Variants in DNAH17 observed in about 807,000 individuals in gnomAD.
The protein encoded by DNAH17 is axonemal beta dynein heavy chain 17.
In DNAH17, 376 loss-of-function variants were observed where a neutral mutation model predicts 485.6. The observed-to-expected ratio is 0.77, with a 90% CI of 0.71 to 0.84. DNAH17 has a LOEUF of 0.84. Among genes scored for constraint, DNAH17 ranks in the 40% least tolerant of loss-of-function variants. DNAH17 has a pLI of 0.00. For missense variants in DNAH17, 6,370 were observed against 5,839.3 expected (o/e 1.09, Z -2.96); for synonymous variants, 3,031 against 2,405.9 (o/e 1.26, Z -7.60).
At position 78,524,557 on chromosome 17, in the gene DNAH17, C is replaced by G. The variant is rs568292558; in HGVS notation, c.3864+452G>C. 4.6e-5 allele frequency among the ~76,000 whole-genome samples: 7 copies of G among 152,222 alleles called. No homozygotes were observed. In the South Asian group the frequency reaches 8.3e-4, roughly 18 times the overall value. On this transcript the variant is annotated intron_variant, in intron 25 of 80. Transcript: ENST00000389840. ...CTATGAGCCACAAAGTGCGTCCTCA[C>G]CAGACATTACATCTGCCTTGACTGT...
In DNAH17 at chr17:78,510,361, ACAGCACCGC is replaced by A. The variant is rs1276763658; in HGVS notation, c.4236+14_4236+22del. The A allele has an allele frequency of 8.7e-6, 14 of 1,610,148 alleles. No individual in the cohort carries two copies. The highest frequency in any genetic ancestry group is 1.1e-5 in the Non-Finnish European group (13 of 1,178,292). On this transcript the variant is annotated intron_variant, in intron 27 of 80. Transcript: ENST00000389840. Reference sequence around the variant, plus strand: ...TTCAGGCTGATCCCACGTTGCACAGACAGCACCGCCAGCACGGCCTACCTTTTCCATGCC... The same window carrying A: ...TTCAGGCTGATCCCACGTTGCACAGACAGCACGGCCTACCTTTTCCATGCC...
At chr17:78,445,215 C>CTGGGGGGAGGAGGGGAGGA (rs2087231886) in intron 70 of DNAH17, among the ~76,000 whole-genome samples, 1 of 4,780 alleles carries the variant, frequency 2.1e-4, no homozygotes, top group African/African-American at 7.5e-4. Context: ...GGAGGGGAGG[C>CTGGGGGGAGGAGGGGAGGA]TGGGGGGAGG....
Position 78,526,999 on chromosome 17 carries a change from G to A in DNAH17, c.3508-3C>T. Reference sequence around the variant, plus strand: ...TTTGCCCAGTGCTCCGGCAGCTCCTGCGGGAAGCAAAGGCAGAGGAGGGCT... The same window carrying A: ...TTTGCCCAGTGCTCCGGCAGCTCCTACGGGAAGCAAAGGCAGAGGAGGGCT... On this transcript the variant is annotated splice_region_variant and splice_polypyrimidine_tract_variant and intron_variant, in intron 22 of 80. Coordinates refer to ENST00000389840, the MANE Select transcript of DNAH17 (RefSeq NM_173628.4). 2.6e-6 allele frequency: 4 copies of A among 1,567,186 alleles called. No homozygotes were observed. The South Asian group carries it at 3.5e-5, about 14-fold the overall frequency.
At chr17:78,480,013 CTTTTTTTTTT>C (rs370344478) in intron 49 of DNAH17, among the ~76,000 whole-genome samples, 16 of 70,540 alleles carry the variant, frequency 2.3e-4, no homozygotes, top group East Asian at 1.4e-3. Context: ...ACAACAAGTA[CTTTTTTTTTT>C]TTTTTTTTTT....
intron 31 of DNAH17, among the ~76,000 whole-genome samples, chr17:78,505,012 T>C (rs1489993877): frequency 1.4e-5 from 2 of 146,980 alleles, no homozygotes; most frequent in African/African-American, 5.0e-5. Flanking sequence ...TTCAAGCGAT[T>C]CTCCTGCCTC....
At chr17:78,572,942 T>A (rs773352344) in intron 2 of DNAH17, 48 bp from the exon 3 acceptor site, 4 of 1,557,930 alleles carry the variant, frequency 2.6e-6, no homozygotes, top group South Asian at 2.3e-5. Flanking sequence ...CTTCACCAGC[T>A]CGGCAACCGC....
At chr17:78,492,318 C>T (rs1438389201) in intron 42 of DNAH17, among the ~76,000 whole-genome samples, 1 of 110,232 alleles carries the variant, frequency 9.1e-6, no homozygotes, top group African/African-American at 3.4e-5. Context: ...GCCTGCATGT[C>T]TGGGCTCCCA....
At chr17:78,428,479 G>T in intron 77 of DNAH17, 46 bp downstream of exon 77, 1 of 1,553,388 alleles carries the variant, frequency 6.4e-7, no homozygotes, top group Non-Finnish European at 8.7e-7. Flanking sequence ...CTCAGTTCTA[G>T]ATCCTCCCCC....
chr17:78,522,120 C>T lies in DNAH17; in HGVS notation c.3864+2889G>A, dbSNP rs183296382. ...GCTAGATTCTAGAACATATAAAGAA[C>T]GCTCAAAATTTAACAGTAAAAAACT... On this transcript the variant is annotated intron_variant, in intron 25 of 80. Coordinates refer to ENST00000389840, the MANE Select transcript of DNAH17 (RefSeq NM_173628.4). 1.3e-4 allele frequency: 21 copies of T among 156,490 alleles called. No homozygotes were observed. The East Asian group carries it at 1.7e-3, about 13-fold the overall frequency. The allele number at this position is 156,490 out of a possible 1,614,324, so 9.7% of individuals were successfully genotyped here.
chr17:78,461,746 C>G (rs779159266), intron 57 of DNAH17, 38 bp from the exon 58 acceptor site: 3 of 1,583,804 alleles, frequency 1.9e-6, no homozygotes, highest in Admixed American at 3.5e-5. Flanking sequence ...AAGTGTGGGC[C>G]GCAGCCGACA....
rs575701670 is a variant in DNAH17, at chr17:78,525,175, G to A, written c.3712-14C>T. 11 of 1,609,796 alleles carry A rather than the reference G, an allele frequency of 6.8e-6. No individual in the cohort carries two copies. The South Asian group carries it at 1.2e-4, about 18-fold the overall frequency. On this transcript the variant is annotated splice_polypyrimidine_tract_variant and intron_variant, in intron 24 of 80. Transcript: ENST00000389840. ...GCTCTTTTGTTGCTAGGGGCGGCGA[G>A]GGGGCCGTCAGTAGGGCTACCTACC...
chr17:78,561,890 C>T lies in DNAH17; in HGVS notation c.1660G>A (p.Ala554Thr), dbSNP rs758974465. 1.4e-5 allele frequency: 23 copies of T among 1,613,734 alleles called. No homozygotes were observed. Among genetic ancestry groups the T allele is most frequent in the Middle Eastern group, 1.6e-4 (1 of 6,082 alleles). The change falls in exon 12 of 81, where the codon GCT becomes ACT. Residue 554 changes from alanine to threonine, a missense_variant. Physicochemically the swap from Ala to Thr is moderately conservative, Grantham distance 58. Transcript: ENST00000389840. The stretch of plus-strand genomic sequence containing the variant: ...AAGATCTTAGCATTGTCTAGCTCAG[C>T]GTCAAACAGCTCCAGCATGACTGAA... ...RYSVMLELFD[A>T]ELDNAKILYD...
intron 19 of DNAH17, among the ~76,000 whole-genome samples, chr17:78,534,284 T>C (rs1351811032): frequency 2.0e-5 from 3 of 152,188 alleles, no homozygotes; most frequent in African/African-American, 7.2e-5. Context: ...GGAGATCTTG[T>C]CTGTGCAGGG....
intron 54 of DNAH17, among the ~76,000 whole-genome samples, chr17:78,470,516 C>T (rs2088699515): frequency 6.6e-6 from 1 of 151,880 alleles, no homozygotes; most frequent in African/African-American, 2.4e-5. Flanking sequence ...TGGTGAAACC[C>T]CATCTCTACA....
At position 78,492,037 on chromosome 17, in the gene DNAH17, G is replaced by GAAGGGGGACAGGGA. The variant is rs1568145373; in HGVS notation, c.6542-481_6542-468dup. 3.3e-5 allele frequency among the ~76,000 whole-genome samples: 5 copies of GAAGGGGGACAGGGA among 152,242 alleles called. No individual in the cohort carries two copies. The South Asian group carries it at 6.2e-4, about 19-fold the overall frequency. Reference sequence around the variant, plus strand: ...GTGAGCTGTACATGCAGAAGCCAGCGAAGGGGGACAGGGAAAGCGGGTCAG... The same window carrying GAAGGGGGACAGGGA: ...GTGAGCTGTACATGCAGAAGCCAGCGAAGGGGGACAGGGAAAGGGGGACAGGGAAAGCGGGTCAG... On this transcript the variant is annotated intron_variant, in intron 42 of 80. Coordinates refer to ENST00000389840, the MANE Select transcript of DNAH17 (RefSeq NM_173628.4).
At chr17:78,490,611 G>T in intron 44 of DNAH17, 88 bp downstream of exon 44, 1 of 1,486,960 alleles carries the variant, frequency 6.7e-7, no homozygotes, top group South Asian at 1.3e-5. Flanking sequence ...TGACATGAAT[G>T]ATGAATGAAT....
At chr17:78,491,342 C>G in intron 43 of DNAH17, 101 bp downstream of exon 43, 5 of 1,479,586 alleles carry the variant, frequency 3.4e-6, no homozygotes, top group Non-Finnish European at 4.5e-6. Context: ...CTGCGCCAAG[C>G]CTGGCATGCA....
At chr17:78,460,994 C>A (rs937296366) in intron 58 of DNAH17, among the ~76,000 whole-genome samples, 1 of 152,094 alleles carries the variant, frequency 6.6e-6, no homozygotes, top group Non-Finnish European at 1.5e-5. Flanking sequence ...AGAAGCTGCT[C>A]CAATGATGCT....
intron 15 of DNAH17, among the ~76,000 whole-genome samples, chr17:78,552,056 A>G (rs1271652972): frequency 6.6e-6 from 1 of 152,176 alleles, no homozygotes; most frequent in Non-Finnish European, 1.5e-5. Context: ...AAATACTCCT[A>G]TTCTGGAACA....
Sources: allele counts gnomAD v4.1 joint callset (sites outside exome capture counted in the v4.1 genomes callset), GRCh38; gene constraint gnomAD v4.1.1; transcripts MANE v1.5; gene names NCBI Gene and HGNC (gene_info 2026-07-23, HGNC 2026-07-21).